Variants in LRRC7 observed in about 807,000 individuals in gnomAD.
LRRC7 encodes the protein leucine rich repeat containing 7, also known as leucine-rich repeat-containing protein 7.
Under a neutral mutation model 175.7 loss-of-function variants are expected in LRRC7, and 23 were observed. The observed-to-expected ratio is 0.13, with a 90% CI of 0.09 to 0.19. The LOEUF is 0.19. Among genes scored for constraint, LRRC7 ranks in the 10% least tolerant of loss-of-function variants. The pLI, the probability that LRRC7 is intolerant of heterozygous loss-of-function variation, is 1.00. For synonymous variants in LRRC7, 685 were observed against 680.9 expected (o/e 1.01, Z -0.09); for missense variants, 1,354 against 1,904.7 (o/e 0.71, Z 5.38).
At chr1:69,611,643 A>G (rs1648748747) in intron 1 of LRRC7, among the ~76,000 whole-genome samples, 1 of 152,076 alleles carries the variant, frequency 6.6e-6, no homozygotes, top group African/African-American at 2.4e-5. Context: ...CTCATGCCTG[A>G]ATCAAGCTTA....
intron 26 of LRRC7, among the ~76,000 whole-genome samples, chr1:70,110,489 G>A (rs929927753): frequency 1.3e-5 from 2 of 152,200 alleles, no homozygotes; most frequent in Non-Finnish European, 2.9e-5. Flanking sequence ...TGAGGGTTAT[G>A]AGGGTTCAGT....
In LRRC7 at chr1:70,125,059, C is replaced by A. The variant is rs1447147177; in HGVS notation, c.*3172C>A. 3.3e-5 allele frequency among the ~76,000 whole-genome samples: 5 copies of A among 152,216 alleles called. No individual in the cohort carries two copies. The East Asian group carries it at 9.6e-4, about 29-fold the overall frequency. On this transcript the variant is annotated 3_prime_UTR_variant, in exon 27 of 27. Transcript: ENST00000651989. ...TAAAGCTCTGCTATGATAACTCCAGCCTTCTGATGACAACACAGTAACCTA... is the reference window on the plus strand; with the variant it reads ...TAAAGCTCTGCTATGATAACTCCAGACTTCTGATGACAACACAGTAACCTA...
chr1:69,927,565 C>G (rs1647123461), intron 7 of LRRC7, among the ~76,000 whole-genome samples: 1 of 152,200 alleles, frequency 6.6e-6, no homozygotes, highest in Admixed American at 6.5e-5. Flanking sequence ...ATTTCATCTT[C>G]CATCACTGAT....
At chr1:69,957,212 T>C (rs911452250) in intron 8 of LRRC7, among the ~76,000 whole-genome samples, 1 of 151,838 alleles carries the variant, frequency 6.6e-6, no homozygotes, top group Non-Finnish European at 1.5e-5. Flanking sequence ...ACAGGATAAC[T>C]TTGGAACTGA....
intron 8 of LRRC7, among the ~76,000 whole-genome samples, chr1:69,971,913 T>A (rs1652274834): frequency 1.3e-5 from 2 of 152,096 alleles, no homozygotes; most frequent in South Asian, 2.1e-4. Context: ...GGTACTGGCA[T>A]AAAAATAAGA....
intron 1 of LRRC7, among the ~76,000 whole-genome samples, chr1:69,569,339 C>T (rs2100867231): frequency 6.6e-6 from 1 of 152,054 alleles, no homozygotes; most frequent in East Asian, 2.0e-4. Context: ...CAACTCCTGC[C>T]CACACATCTC....
At chr1:69,690,125 A>G (rs975330878) in intron 2 of LRRC7, among the ~76,000 whole-genome samples, 2 of 152,196 alleles carry the variant, frequency 1.3e-5, no homozygotes, top group African/African-American at 2.4e-5. Flanking sequence ...TCCAGCCTCC[A>G]TAGTTATTTT....
chr1:69,760,426 A>C, intron 3 of LRRC7, 33 bp downstream of exon 3: 2 of 1,546,128 alleles, frequency 1.3e-6, no homozygotes, highest in Non-Finnish European at 1.8e-6. Flanking sequence ...ATACAATGTA[A>C]ATGAGTATTT....
At chr1:69,759,183 A>G (rs1033191920) in intron 2 of LRRC7, among the ~76,000 whole-genome samples, 1 of 152,020 alleles carries the variant, frequency 6.6e-6, no homozygotes, top group Non-Finnish European at 1.5e-5. Context: ...TCAAGCAATT[A>G]TCAGTAGCTG....
intron 4 of LRRC7, among the ~76,000 whole-genome samples, chr1:69,798,254 G>A (rs1319614655): frequency 6.6e-6 from 1 of 152,014 alleles, no homozygotes; most frequent in Non-Finnish European, 1.5e-5. Context: ...CCTAGATACT[G>A]AAGAGCTTCC....
intron 7 of LRRC7, among the ~76,000 whole-genome samples, chr1:69,869,091 T>G (rs1490466832): frequency 6.6e-6 from 1 of 152,030 alleles, no homozygotes; most frequent in Admixed American, 6.6e-5. Context: ...CTATGAATTT[T>G]GAGGGAACAC....
intron 18 of LRRC7, 62 bp downstream of exon 18, chr1:70,028,433 T>C (rs1658355615): frequency 2.9e-6 from 4 of 1,399,528 alleles, no homozygotes; most frequent in Admixed American, 2.0e-5. Context: ...TTAAATATGT[T>C]TTTTAACTGA....
At chr1:69,743,289 C>T (rs575345893) in intron 2 of LRRC7, among the ~76,000 whole-genome samples, 1 of 152,090 alleles carries the variant, frequency 6.6e-6, no homozygotes, top group African/African-American at 2.4e-5. Flanking sequence ...AAGAGAGTAA[C>T]TTACATCCTG....
At chr1:69,673,863 A>C (rs1263858351) in intron 1 of LRRC7, among the ~76,000 whole-genome samples, 1 of 152,128 alleles carries the variant, frequency 6.6e-6, no homozygotes, top group East Asian at 1.9e-4. Context: ...TCTTTTTGGC[A>C]GTTCTCAAAA....
At chr1:69,882,695 T>C (rs1301515563) in intron 7 of LRRC7, among the ~76,000 whole-genome samples, 3 of 151,072 alleles carry the variant, frequency 2.0e-5, no homozygotes, top group Non-Finnish European at 4.4e-5. Context: ...ACATGTGCCA[T>C]GCTGGTGTGC....
At chr1:69,893,557 T>G (rs1645896439) in intron 7 of LRRC7, among the ~76,000 whole-genome samples, 1 of 152,244 alleles carries the variant, frequency 6.6e-6, no homozygotes, top group South Asian at 2.1e-4. Context: ...GTAATTTTTA[T>G]TATAAGTAGA....
At chr1:70,012,848 A>G in intron 12 of LRRC7, 126 bp from the exon 13 acceptor site, 1 of 393,536 alleles carries the variant, frequency 2.5e-6, no homozygotes, top group South Asian at 4.5e-5. Flanking sequence ...TATAAAAACA[A>G]AACAATGCAC....
At chr1:69,588,869 T>G (rs1366701974) in intron 1 of LRRC7, among the ~76,000 whole-genome samples, 1 of 152,148 alleles carries the variant, frequency 6.6e-6, no homozygotes, top group Non-Finnish European at 1.5e-5. Context: ...GCCTAATTTC[T>G]GTACTTGTTA....
At chr1:69,629,083 C>T (rs949199775) in intron 1 of LRRC7, among the ~76,000 whole-genome samples, 1 of 151,922 alleles carries the variant, frequency 6.6e-6, no homozygotes, top group African/African-American at 2.4e-5. Flanking sequence ...AGCTATAACA[C>T]CAAAGGCATG....
Sources: allele counts gnomAD v4.1 joint callset (sites outside exome capture counted in the v4.1 genomes callset), GRCh38; gene constraint gnomAD v4.1.1; transcripts MANE v1.5; gene names NCBI Gene and HGNC (gene_info 2026-07-23, HGNC 2026-07-21).